Variants in CD101 observed in about 807,000 individuals in gnomAD.
CD101 encodes the protein immunoglobulin superfamily member 2.
A neutral mutation model predicts 98.2 loss-of-function variants in CD101; 76 were observed. The ratio of observed to expected loss-of-function variants is 0.77; its 90% CI spans 0.64 to 0.94. CD101 has a LOEUF of 0.94. Among genes scored for constraint, CD101 ranks in the 40% least tolerant of loss-of-function variants. The pLI, the probability that CD101 is intolerant of heterozygous loss-of-function variation, is 0.00. For missense variants in CD101, 1,145 were observed against 1,218.8 expected (o/e 0.94, Z 0.90); for synonymous variants, 471 against 472.7 (o/e 1.00, Z 0.05).
In CD101 at chr1:117,006,106, T is replaced by A. The variant is rs960011275; in HGVS notation, c.44-3744T>A. 1.3e-5 allele frequency among the ~76,000 whole-genome samples: 2 copies of A among 152,160 alleles called. No individual in the cohort carries two copies. Among genetic ancestry groups the A allele is most frequent in the African/African-American group, 2.4e-5 (1 of 41,438 alleles). ...CACAACAGTAACTCTTCCTAATATC[T>A]GTATTTCTAGTCAGAGTATCAATAT... On this transcript the variant is annotated intron_variant, in intron 1 of 9. Transcript: ENST00000682167. This position sits in a 1 kb window ranked among gnomAD's most constrained non-coding sequence, Gnocchi z 4.4.
chr1:117,002,424 G>T (rs1282819484), intron 1 of CD101, among the ~76,000 whole-genome samples: 1 of 152,228 alleles, frequency 6.6e-6, no homozygotes, highest in Non-Finnish European at 1.5e-5. Context: ...GCCATGCAGA[G>T]GGGCTTGCCT....
At position 117,013,684 on chromosome 1, in the gene CD101, G is replaced by A. The variant is rs771618614; in HGVS notation, c.1120G>A (p.Ala374Thr). The A allele has an allele frequency of 9.9e-6, 16 of 1,613,964 alleles. No individual in the cohort carries two copies. Among genetic ancestry groups the A allele is most frequent in the South Asian group, 3.3e-5 (3 of 91,080 alleles). Residue 374 changes from alanine to threonine, a missense_variant, in exon 4 of 10, where the codon GCC (alanine) becomes ACC (threonine). Ala to Thr is a moderately conservative substitution (Grantham distance 58, BLOSUM62 0). Coordinates refer to ENST00000682167, the MANE Select transcript of CD101 (RefSeq NM_001256106.3). ...CTCTCTGGGCCCAGAGGATGAAGGCGCCTACAGATGTGTGGTAGCAGAGGT... is the reference window on the plus strand; with the variant it reads ...CTCTCTGGGCCCAGAGGATGAAGGCACCTACAGATGTGTGGTAGCAGAGGT... ...IFSLGPEDEG[A>T]YRCVVAEVMK...
In CD101 at chr1:117,004,691, T is replaced by C. The variant is rs1345393687; in HGVS notation, c.43+2831T>C. 1.3e-5 allele frequency among the ~76,000 whole-genome samples: 2 copies of C among 152,148 alleles called. No homozygotes were observed. Among genetic ancestry groups the C allele is most frequent in the African/African-American group, 4.8e-5 (2 of 41,420 alleles). ...AAAAAACCCAGAGAGAATATATTTA[T>C]AGTAAGATGCTTAAGCTTATGGCCC... On this transcript the variant is annotated intron_variant, in intron 1 of 9. Coordinates refer to ENST00000682167, the MANE Select transcript of CD101 (RefSeq NM_001256106.3). This position sits in a 1 kb window ranked among gnomAD's most constrained non-coding sequence, Gnocchi z 4.1.
Position 117,034,045 on chromosome 1 carries a change from G to A in CD101, c.3010G>A (p.Ala1004Thr), listed in dbSNP as rs777850361. The change falls in exon 9 of 10, where the codon GCT becomes ACT. Residue 1004 changes from alanine to threonine, a missense_variant. By Grantham distance (58) the Ala-to-Thr change is moderately conservative. Coordinates refer to ENST00000682167, the MANE Select transcript of CD101 (RefSeq NM_001256106.3). Reference protein sequence around the residue: ...EKALWVDLKEAGGVTTNRRED... With the variant: ...EKALWVDLKETGGVTTNRRED... ...AGCTCTCTGGGTGGACTTGAAAGAG[G>A]CTGGAGGTGTGACCACAAATAGGAG... The A allele has an allele frequency of 1.2e-5, 20 of 1,614,036 alleles. No individual in the cohort carries two copies. Among genetic ancestry groups the A allele is most frequent in the Middle Eastern group, 1.6e-4 (1 of 6,084 alleles).
At chr1:117,024,761 GTTTAC>G (rs1403234750) in intron 7 of CD101, among the ~76,000 whole-genome samples, 1 of 152,090 alleles carries the variant, frequency 6.6e-6, no homozygotes, top group Admixed American at 6.5e-5. Context: ...CTCTCTCTGC[GTTTAC>G]ACCCAAGATA....
intron 8 of CD101, among the ~76,000 whole-genome samples, chr1:117,027,869 A>G (rs970523719): frequency 6.6e-6 from 1 of 152,128 alleles, no homozygotes; most frequent in African/African-American, 2.4e-5. Flanking sequence ...GGGTCACCTG[A>G]CGTTGGGAGT....
chr1:117,033,849 C>T lies in CD101; in HGVS notation c.2825-11C>T, dbSNP rs1166873041. 1 of 1,613,984 alleles carries T rather than the reference C, an allele frequency of 6.2e-7. No individual in the cohort carries two copies. The highest frequency in any genetic ancestry group is 1.7e-5 in the Admixed American group (1 of 60,010). On this transcript the variant is annotated splice_polypyrimidine_tract_variant and intron_variant, in intron 8 of 9. Coordinates refer to ENST00000682167, the MANE Select transcript of CD101 (RefSeq NM_001256106.3). This position sits in a 1 kb window ranked among gnomAD's most constrained non-coding sequence, Gnocchi z 4.8. The stretch of plus-strand genomic sequence containing the variant: ...AGATGAATTACTCTCTTGTTTCTCC[C>T]TTCGTTGCAGAGCCCACGCTTCCTT...
At chr1:117,029,537 C>T (rs1031746978) in intron 8 of CD101, among the ~76,000 whole-genome samples, 18 of 152,226 alleles carry the variant, frequency 1.2e-4, no homozygotes, top group African/African-American at 3.9e-4. Context: ...CTGCAGTTAC[C>T]TGTTTAACAT....
intron 3 of CD101, among the ~76,000 whole-genome samples, chr1:117,013,138 G>A (rs1376583018): frequency 6.6e-6 from 1 of 152,078 alleles, no homozygotes; most frequent in African/African-American, 2.4e-5. Context: ...TACTATATGT[G>A]TCATACATTT....
At chr1:117,020,918 A>T (rs1292737313) in intron 6 of CD101, among the ~76,000 whole-genome samples, 1 of 152,242 alleles carries the variant, frequency 6.6e-6, no homozygotes, top group Non-Finnish European at 1.5e-5. Context: ...GGGAACAAGG[A>T]TTGTCACTCA....
chr1:117,010,930 T>C lies in CD101; in HGVS notation c.425-620T>C, dbSNP rs1263824215. Among the ~76,000 whole-genome samples the C allele has an allele frequency of 6.6e-6, 1 of 152,192 alleles. No individual in the cohort carries two copies. Among genetic ancestry groups the C allele is most frequent in the African/African-American group, 2.4e-5 (1 of 41,452 alleles). ...TTCCCACCACATCCTCAGCTTCTAC[T>C]CAGTGGCTAGCACCGAGTAGACGCT... On this transcript the variant is annotated intron_variant, in intron 2 of 9. Coordinates refer to ENST00000682167, the MANE Select transcript of CD101 (RefSeq NM_001256106.3). The surrounding 1 kb of genome is among the most constrained non-coding windows in gnomAD (Gnocchi z 5.2).
Position 117,006,996 on chromosome 1 carries a change from C to T in CD101, c.44-2854C>T, listed in dbSNP as rs562869856. 1.2e-4 allele frequency among the ~76,000 whole-genome samples: 19 copies of T among 152,096 alleles called. No homozygotes were observed. Among genetic ancestry groups the T allele is most frequent in the South Asian group, 1.0e-3 (5 of 4,834 alleles). On this transcript the variant is annotated intron_variant, in intron 1 of 9. Transcript: ENST00000682167. This position sits in a 1 kb window ranked among gnomAD's most constrained non-coding sequence, Gnocchi z 4.4. Reference sequence around the variant, plus strand: ...CATCTTGCTGAAAAGTGATGGGAAACGTTCGAGAAGTGTTGCCTAGCCACC... The same window carrying T: ...CATCTTGCTGAAAAGTGATGGGAAATGTTCGAGAAGTGTTGCCTAGCCACC...
At chr1:117,028,729 C>G (rs1216263677) in intron 8 of CD101, among the ~76,000 whole-genome samples, 3 of 152,124 alleles carry the variant, frequency 2.0e-5, no homozygotes, top group Non-Finnish European at 4.4e-5. Context: ...GGAGAGTCGA[C>G]AGACTCAGCT....
rs1196298934 is a variant in CD101, at chr1:117,033,056, A to T, written c.2825-804A>T. 1.3e-5 allele frequency: 2 copies of T among 152,330 alleles called. No homozygotes were observed. Among genetic ancestry groups the T allele is most frequent in the African/African-American group, 4.8e-5 (2 of 41,468 alleles). 9.4% of individuals were successfully genotyped at this position (152,330 alleles called of 1,614,324 possible). A position where few individuals can be genotyped will look rare whatever the true frequency, so the allele number is the denominator to read the frequency against. On this transcript the variant is annotated intron_variant, in intron 8 of 9. Coordinates refer to ENST00000682167, the MANE Select transcript of CD101 (RefSeq NM_001256106.3). The surrounding 1 kb of genome is among the most constrained non-coding windows in gnomAD (Gnocchi z 4.8). ...ATAGAAACAAATGGCACTATCAGAC[A>T]TACTCAAGTAACTATAGTGAACAAA...
rs1284244625 is a variant in CD101 at position 117,021,541 on chromosome 1, G to A, written c.2018-32G>A. 1.7e-5 allele frequency: 26 copies of A among 1,525,012 alleles called. No homozygotes were observed. Among genetic ancestry groups the A allele is most frequent in the Non-Finnish European group, 2.3e-5 (26 of 1,139,554 alleles). The allele number at this position is 1,525,012 out of a possible 1,614,324, so 94.5% of individuals were successfully genotyped here. On this transcript the variant is annotated intron_variant, in intron 6 of 9. Coordinates refer to ENST00000682167, the MANE Select transcript of CD101 (RefSeq NM_001256106.3). The surrounding 1 kb of genome is among the most constrained non-coding windows in gnomAD (Gnocchi z 4.7). Reference sequence around the variant, plus strand: ...TACTACCTTAACTTTCTATTTCATAGCAAAGTAACTGTTTCATTTTTTTAA... The same window carrying A: ...TACTACCTTAACTTTCTATTTCATAACAAAGTAACTGTTTCATTTTTTTAA...
At chr1:117,027,896 C>T (rs1654052633) in intron 8 of CD101, among the ~76,000 whole-genome samples, 5 of 151,998 alleles carry the variant, frequency 3.3e-5, no homozygotes, top group Admixed American at 3.3e-4. Context: ...CCAGCCTGAC[C>T]AACATGGAGA....
chr1:117,029,220 A>G (rs1309315620), intron 8 of CD101, among the ~76,000 whole-genome samples: 7 of 45,218 alleles, frequency 1.5e-4, no homozygotes, highest in East Asian at 7.1e-4. Flanking sequence ...AAGAAAAGAA[A>G]GAAAGAAAGA....
Position 117,025,717 on chromosome 1 carries a change from G to A in CD101, c.2637G>A (p.Arg879=), listed in dbSNP as rs753985655. The A allele has an allele frequency of 1.8e-5, 29 of 1,614,066 alleles. 1 individual carries two copies. The highest frequency in any genetic ancestry group is 3.3e-5 in the Admixed American group (2 of 60,006). Residue 879 remains arginine, a synonymous_variant, in exon 8 of 10, where the codon AGG becomes AGA. Transcript: ENST00000682167. Reference sequence around the variant, plus strand: ...TGGAGTATGGGGAAGAGGGGCTCAGGAGGCACCTGCACTGTTACCGTTCAT... The same window carrying A: ...TGGAGTATGGGGAAGAGGGGCTCAGAAGGCACCTGCACTGTTACCGTTCAT... ...GLLEYGEEGL[R]RHLHCYRSSS... is the part of the protein sequence containing the mutation.
At chr1:117,014,471 G>A (rs1395681328) in intron 4 of CD101, among the ~76,000 whole-genome samples, 4 of 152,122 alleles carry the variant, frequency 2.6e-5, no homozygotes, top group Non-Finnish European at 5.9e-5. Flanking sequence ...GTGGTGAGAC[G>A]CCGGTCCAAA....
Sources: allele counts gnomAD v4.1 joint callset (sites outside exome capture counted in the v4.1 genomes callset), GRCh38; gene constraint gnomAD v4.1.1; non-coding constraint Gnocchi (gnomAD v3.1); transcripts MANE v1.5; gene names NCBI Gene and HGNC (gene_info 2026-07-23, HGNC 2026-07-21).